Variants in ATN1 observed in about 807,000 individuals in gnomAD.
ATN1 encodes the protein atrophin 1.
In ATN1, 19 loss-of-function variants were observed where a neutral mutation model predicts 85.8. The ratio of observed to expected loss-of-function variants is 0.22; its 90% CI spans 0.15 to 0.32. The LOEUF is 0.32. ATN1 is among the 10% of genes least tolerant of loss of function. ATN1 has a pLI of 1.00. For missense variants in ATN1, 1,453 were observed against 1,564.5 expected (o/e 0.93, Z 1.20); for synonymous variants, 674 against 657.0 (o/e 1.03, Z -0.39).
chr12:6,925,031 G>A (rs183364276), upstream of ATN1, among the ~76,000 whole-genome samples: 1 of 152,092 alleles, frequency 6.6e-6, no homozygotes, highest in Non-Finnish European at 1.5e-5. Flanking sequence ...CCTTTGTGCC[G>A]TTGCCTGGAG....
chr12:6,940,625 C>T (rs1555144500), intron 7 of ATN1, among the ~76,000 whole-genome samples: 1 of 152,100 alleles, frequency 6.6e-6, no homozygotes, highest in Non-Finnish European at 1.5e-5. Flanking sequence ...CGCAGTCTAC[C>T]TCTCTCTGTC....
rs782288560 is a variant in ATN1, at chr12:6,938,636, G to A, written c.2673G>A (p.Arg891=). 6.2e-7 allele frequency: 1 copy of A among 1,614,202 alleles called. No individual in the cohort carries two copies. The highest frequency in any genetic ancestry group is 1.7e-5 in the Admixed American group (1 of 60,032). ...PALRTLSEYA[R]PHVMSPGNRN... ...TGCGCACTCTCAGTGAATATGCCCGGCCTCATGTCATGTCTCCTGGCAATC... is the reference window on the plus strand; with the variant it reads ...TGCGCACTCTCAGTGAATATGCCCGACCTCATGTCATGTCTCCTGGCAATC... Residue 891 remains arginine (R), a synonymous_variant, in exon 7 of 10, where the codon CGG becomes CGA. Transcript: ENST00000396684.
In ATN1 at chr12:6,938,025, A is replaced by C. The variant is rs782449326; in HGVS notation, c.2475A>C (p.Lys825Asn). ...GCGAGCGCGAGCGGGAACGCGAGAA[A>C]GAGCGCGAGCGCGAGAAGGAGCGCG... Reference protein sequence around the residue: ...KEREREREREKEREREKEREL... With the variant: ...KERERERERENEREREKEREL... The change falls in exon 6 of 10, where the codon AAA (lysine) becomes AAC (asparagine). Residue 825 changes from lysine to asparagine, a missense_variant. Lys to Asn is a moderately conservative substitution (Grantham distance 94). This residue lies in a region of ATN1 where 990 missense variants were observed against 914.8 expected (regional missense o/e 1.08). Coordinates refer to ENST00000396684, the MANE Select transcript of ATN1 (RefSeq NM_001940.4). 1 of 1,545,732 alleles carries C rather than the reference A, an allele frequency of 6.5e-7. No homozygotes were observed. Among genetic ancestry groups the C allele is most frequent in the African/African-American group, 1.4e-5 (1 of 72,778 alleles).
chr12:6,941,527 C>T lies in ATN1; in HGVS notation c.3512C>T (p.Pro1171Leu), dbSNP rs782161422. The T allele has an allele frequency of 2.0e-5, 32 of 1,612,584 alleles. No homozygotes were observed. Among genetic ancestry groups the T allele is most frequent in the Admixed American group, 8.3e-5 (5 of 59,976 alleles). Residue 1171 changes from proline (P) to leucine (L), a missense_variant, in exon 9 of 10, where the codon CCG becomes CTG. Around this residue, in one of 6 missense-constraint regions of ATN1, gnomAD observed 118 missense variants for 163.7 expected, o/e 0.72. Coordinates refer to ENST00000396684, the MANE Select transcript of ATN1 (RefSeq NM_001940.4). This position sits in a 1 kb window ranked among gnomAD's most constrained non-coding sequence, Gnocchi z 5.9. ...GCCCATCACCCGCTGCACAGTGTGC[C>T]GCTGCCTGCCCAGGAGGACTACTAC... ...LHAHHPLHSV[P>L]LPAQEDYYSH...
Position 6,941,307 on chromosome 12 carries a change from A to G in ATN1, c.3359-67A>G. On this transcript the variant is annotated intron_variant, in intron 8 of 9. Coordinates refer to ENST00000396684, the MANE Select transcript of ATN1 (RefSeq NM_001940.4). The surrounding 1 kb of genome is among the most constrained non-coding windows in gnomAD (Gnocchi z 5.9). ...ACCTTTGTATGTAAAGGAGCTGGCT[A>G]TCCCCTGGTCCAGAGCAGGTACTTG... 1.3e-6 allele frequency: 2 copies of G among 1,509,404 alleles called. No homozygotes were observed. Among genetic ancestry groups the G allele is most frequent in the Admixed American group, 2.2e-5 (1 of 44,752 alleles). 93.5% of individuals were successfully genotyped at this position (1,509,404 alleles called of 1,614,324 possible). A position where few individuals can be genotyped will look rare whatever the true frequency, so the allele number is the denominator to read the frequency against.
In ATN1 at chr12:6,941,502, G is replaced by A. The variant is rs1555144635; in HGVS notation, c.3487G>A (p.Ala1163Thr). The A allele has an allele frequency of 8.7e-6, 14 of 1,612,588 alleles. No homozygotes were observed. The South Asian group carries it at 1.5e-4, about 18-fold the overall frequency. The change falls in exon 9 of 10, where the codon GCC (alanine) becomes ACC (threonine). Residue 1163 changes from alanine (A) to threonine (T), a missense_variant. Physicochemically the swap from Ala to Thr is moderately conservative, Grantham distance 58 (BLOSUM62 0). Coordinates refer to ENST00000396684, the MANE Select transcript of ATN1 (RefSeq NM_001940.4). This position sits in a 1 kb window ranked among gnomAD's most constrained non-coding sequence, Gnocchi z 5.9. Reference protein sequence around the residue: ...LALEQQQWLHAHHPLHSVPLP... With the variant: ...LALEQQQWLHTHHPLHSVPLP... ...GCTGGAACAGCAGCAGTGGCTGCAT[G>A]CCCATCACCCGCTGCACAGTGTGCC...
At chr12:6,930,689 A>AG (rs1405328961) in intron 1 of ATN1, among the ~76,000 whole-genome samples, 1 of 152,064 alleles carries the variant, frequency 6.6e-6, no homozygotes, top group Non-Finnish European at 1.5e-5. Flanking sequence ...CCAGCTACTC[A>AG]GGAGGCTGAG....
intron 7 of ATN1, 23 bp from the exon 8 acceptor site, chr12:6,940,857 C>A (rs188078943): frequency 6.2e-7 from 1 of 1,614,140 alleles, no homozygotes; most frequent in Admixed American, 1.7e-5. Flanking sequence ...TCTGGTGACA[C>A]CTTCCTCTTC....
At position 6,935,832 on chromosome 12, in the gene ATN1, G is replaced by A; in HGVS notation, c.565G>A (p.Val189Met). Residue 189 changes from valine (V) to methionine (M), a missense_variant, in exon 5 of 10, where the codon GTG becomes ATG. Physicochemically the swap from Val to Met is conservative, Grantham distance 21. Around this residue, in one of 6 missense-constraint regions of ATN1, gnomAD observed 990 missense variants for 914.8 expected, o/e 1.08. Transcript: ENST00000396684. The surrounding 1 kb of genome is among the most constrained non-coding windows in gnomAD (Gnocchi z 5.3). ...GGCTAGCTTTGAACCCCATCCTTCTGTGACACCCACTGGATATCATGCTCC... is the reference window on the plus strand; with the variant it reads ...GGCTAGCTTTGAACCCCATCCTTCTATGACACCCACTGGATATCATGCTCC... ...PEASFEPHPSVTPTGYHAPME... is the reference protein window; with the variant it reads ...PEASFEPHPSMTPTGYHAPME... The A allele has an allele frequency of 1.2e-6, 2 of 1,613,714 alleles. No individual in the cohort carries two copies. The highest frequency in any genetic ancestry group is 1.7e-6 in the Non-Finnish European group (2 of 1,179,828).
At chr12:6,932,986 G>GACTTTT (rs1945484553) in intron 1 of ATN1, among the ~76,000 whole-genome samples, 4 of 152,180 alleles carry the variant, frequency 2.6e-5, no homozygotes, top group African/African-American at 9.7e-5. Flanking sequence ...AAGAGCATGG[G>GACTTTT]CTTTGAAGTC....
chr12:6,940,737 A>T, intron 7 of ATN1, 143 bp from the exon 8 acceptor site: 1 of 987,038 alleles, frequency 1.0e-6, no homozygotes, highest in Non-Finnish European at 1.6e-6. Context: ...CCAGGCCTCT[A>T]GTTCTTCCAC....
Position 6,939,050 on chromosome 12 carries a change from A to G in ATN1, c.3087A>G (p.Glu1029=). The part of the protein sequence containing the change: ...ERLAAERQHA[E]RVAALGNDPL... ...TGGCAGCTGAGAGGCAGCACGCAGAAAGGGTGGCGGCCCTGGGCAATGACC... is the reference window on the plus strand; with the variant it reads ...TGGCAGCTGAGAGGCAGCACGCAGAGAGGGTGGCGGCCCTGGGCAATGACC... Residue 1029 remains glutamate (E), a synonymous_variant, in exon 7 of 10, where the codon GAA becomes GAG. Transcript: ENST00000396684. 6.2e-7 allele frequency: 1 copy of G among 1,606,778 alleles called. No individual in the cohort carries two copies. Among genetic ancestry groups the G allele is most frequent in the Non-Finnish European group, 8.5e-7 (1 of 1,179,970 alleles).
In ATN1 at chr12:6,935,839, C is replaced by T; in HGVS notation, c.572C>T (p.Pro191Leu). 6.2e-7 allele frequency: 1 copy of T among 1,613,948 alleles called. No individual in the cohort carries two copies. The highest frequency in any genetic ancestry group is 1.1e-5 in the South Asian group (1 of 91,078). The change falls in exon 5 of 10, where the codon CCC (proline) becomes CTC (leucine). Residue 191 changes from proline to leucine, a missense_variant. Physicochemically the swap from Pro to Leu is moderately conservative, Grantham distance 98. This residue lies in a region of ATN1 where 990 missense variants were observed against 914.8 expected (regional missense o/e 1.08). Transcript: ENST00000396684. This position sits in a 1 kb window ranked among gnomAD's most constrained non-coding sequence, Gnocchi z 5.3. The stretch of plus-strand genomic sequence containing the variant: ...TTTGAACCCCATCCTTCTGTGACAC[C>T]CACTGGATATCATGCTCCCATGGAG... ...ASFEPHPSVTPTGYHAPMEPP... is the reference protein window; with the variant it reads ...ASFEPHPSVTLTGYHAPMEPP...
intron 1 of ATN1, among the ~76,000 whole-genome samples, chr12:6,931,410 A>G (rs1441524066): frequency 2.4e-5 from 3 of 122,630 alleles, no homozygotes; most frequent in Non-Finnish European, 5.0e-5. Flanking sequence ...GCTGTAGTTG[A>G]AAAAAAAAAA....
Position 6,941,676 on chromosome 12 carries a change from G to A in ATN1, c.3540-71G>A, listed in dbSNP as rs1277024497. 1.4e-5 allele frequency: 22 copies of A among 1,588,552 alleles called. No homozygotes were observed. The highest frequency in any genetic ancestry group is 3.3e-5 in the Admixed American group (2 of 59,888). On this transcript the variant is annotated intron_variant, in intron 9 of 9. Transcript: ENST00000396684. This position sits in a 1 kb window ranked among gnomAD's most constrained non-coding sequence, Gnocchi z 5.9. ...GAACCCCTCCTCTCCCAACCCCTTC[G>A]GTAAGAGGGGGCAAGGTCAGAGTTG...
chr12:6,936,806 A>G lies in ATN1; in HGVS notation c.1539A>G (p.Gly513=). The change falls in exon 5 of 10, where the codon GGA becomes GGG. Residue 513 remains glycine, a synonymous_variant. Coordinates refer to ENST00000396684, the MANE Select transcript of ATN1 (RefSeq NM_001940.4). ...HHGNSGPPPP[G]AFPHPLEGGS... ...GAAACTCTGGGCCCCCTCCTCCTGG[A>G]GCATTTCCCCACCCACTGGAGGGCG... 6.2e-7 allele frequency: 1 copy of G among 1,612,590 alleles called. No homozygotes were observed.
In ATN1 at chr12:6,937,528, T is replaced by C. The variant is rs1484265585; in HGVS notation, c.2261T>C (p.Val754Ala). 5.9e-6 allele frequency: 9 copies of C among 1,528,508 alleles called. No homozygotes were observed. The highest frequency in any genetic ancestry group is 1.7e-4 in the Middle Eastern group (1 of 5,816). The allele number at this position is 1,528,508 out of a possible 1,614,324, so 94.7% of individuals were successfully genotyped here. Residue 754 changes from valine (V) to alanine (A), a missense_variant, in exon 5 of 10, where the codon GTA (valine) becomes GCA (alanine). Val to Ala is a moderately conservative substitution (Grantham distance 64). Around this residue, in one of 6 missense-constraint regions of ATN1, gnomAD observed 990 missense variants for 914.8 expected, o/e 1.08. Transcript: ENST00000396684. The surrounding 1 kb of genome is among the most constrained non-coding windows in gnomAD (Gnocchi z 6.0). Reference protein sequence around the residue: ...ARSPSPPPKVVDVPSHASQSA... With the variant: ...ARSPSPPPKVADVPSHASQSA... ...AGCCCCTCGCCCCCTCCCAAGGTGG[T>C]AGATGTACCCAGCCATGCCAGTCAG... is the stretch of plus-strand genomic sequence containing the variant.
At chr12:6,927,081 C>T (rs782201600), upstream of ATN1, among the ~76,000 whole-genome samples, 42 of 152,072 alleles carry the variant, frequency 2.8e-4, no homozygotes, top group African/African-American at 9.7e-4. Context: ...CCTCTCTCTC[C>T]TCACTGACGT....
At chr12:6,924,765 C>T (rs1305330516), upstream of ATN1, among the ~76,000 whole-genome samples, 1 of 152,018 alleles carries the variant, frequency 6.6e-6, no homozygotes, top group Admixed American at 6.5e-5. Context: ...TTATGCCTCC[C>T]TTGGGGTTTC....
Sources: gnomAD v4.1 joint callset for allele counts (sites outside exome capture counted in the v4.1 genomes callset) on GRCh38, gnomAD v4.1.1 for gene constraint, gnomAD v4.1.1 regional missense constraint, Gnocchi (gnomAD v3.1) non-coding constraint, MANE v1.5 for transcripts, NCBI Gene and HGNC (gene_info 2026-07-23, HGNC 2026-07-21) for gene names.